Variants in ERBB4 observed in about 807,000 individuals in gnomAD.
The protein encoded by ERBB4 is erb-b2 receptor tyrosine kinase 4.
Under a neutral mutation model 158.0 loss-of-function variants are expected in ERBB4, and 42 were observed. The observed-to-expected ratio is 0.27, with a 90% CI of 0.21 to 0.34. The LOEUF (loss-of-function observed/expected upper bound fraction) is 0.34, where lower values mean the gene tolerates loss of function less well. ERBB4 is among the 10% of genes least tolerant of loss of function. ERBB4 has a pLI of 1.00. For missense variants in ERBB4, 1,333 were observed against 1,624.1 expected, an observed-to-expected ratio of 0.82 and a Z score of 3.08; for synonymous variants, 583 against 558.7, an observed-to-expected ratio of 1.04 and a Z score of -0.61.
At chr2:212,112,704 T>C (rs944032558) in intron 2 of ERBB4, among the ~76,000 whole-genome samples, 2 of 152,160 alleles carry the variant, frequency 1.3e-5, no homozygotes, top group Admixed American at 6.5e-5. Context: ...CATAGGGTTG[T>C]AATAAGGAGT....
intron 2 of ERBB4, among the ~76,000 whole-genome samples, chr2:212,024,736 A>T (rs1174020174): frequency 2.0e-5 from 3 of 151,906 alleles, no homozygotes; most frequent in Non-Finnish European, 1.5e-5. Context: ...CGACATAAAA[A>T]GGAAAAGAGT....
intron 4 of ERBB4, among the ~76,000 whole-genome samples, chr2:211,757,511 A>G (rs2075311709): frequency 6.6e-6 from 1 of 152,224 alleles, no homozygotes; most frequent in Non-Finnish European, 1.5e-5. Context: ...TATTCATTCA[A>G]GCAATTTATA....
rs1462283826 is a variant in ERBB4 at position 212,522,019 on chromosome 2, C to A, written c.82+16430G>T. Among the ~76,000 whole-genome samples, 13 of 152,030 alleles carry A rather than the reference C, an allele frequency of 8.6e-5. No homozygotes were observed. The East Asian group carries it at 2.5e-3, about 29-fold the overall frequency. On this transcript the variant is annotated intron_variant, in intron 1 of 27. Transcript: ENST00000342788. ...ATTTAGAATTATTATGAGTATCAAG[C>A]AAAATCACTGTCAATGACCTAAAAT...
At chr2:211,817,138 C>T (rs372803892) in intron 3 of ERBB4, among the ~76,000 whole-genome samples, 7 of 152,130 alleles carry the variant, frequency 4.6e-5, no homozygotes, top group Non-Finnish European at 7.4e-5. Flanking sequence ...CAAACAGTCA[C>T]GGGGGGATTT....
In ERBB4 at chr2:211,465,737, G is replaced by T. The variant is rs375084537; in HGVS notation, c.2488-34637C>A. 8.5e-5 allele frequency among the ~76,000 whole-genome samples: 13 copies of T among 152,078 alleles called. No homozygotes were observed. The East Asian group carries it at 1.5e-3, about 18-fold the overall frequency. ...CTATCTGCTTTTCTAAGACTTGCCGGTCGAGAGTAGCCAACCCACTACGAG... is the reference window on the plus strand; with the variant it reads ...CTATCTGCTTTTCTAAGACTTGCCGTTCGAGAGTAGCCAACCCACTACGAG... On this transcript the variant is annotated intron_variant, in intron 20 of 27. Coordinates refer to ENST00000342788, the MANE Select transcript of ERBB4 (RefSeq NM_005235.3).
intron 3 of ERBB4, among the ~76,000 whole-genome samples, chr2:211,839,205 AAGAGAG>A (rs60603782): frequency 6.9e-6 from 1 of 145,858 alleles, no homozygotes; most frequent in Non-Finnish European, 1.5e-5. Flanking sequence ...GAAAGAAAGA[AAGAGAG>A]AGAGAGAGAA....
intron 12 of ERBB4, among the ~76,000 whole-genome samples, chr2:211,686,150 A>G (rs1220090996): frequency 2.0e-5 from 3 of 152,072 alleles, no homozygotes; most frequent in Non-Finnish European, 4.4e-5. Context: ...ATGTTAAATG[A>G]GTGATAAGAG....
At position 212,124,813 on chromosome 2, in the gene ERBB4, A is replaced by G. The variant is rs545249326; in HGVS notation, c.173T>C (p.Val58Ala). The change falls in exon 2 of 28, where the codon GTT becomes GCT. Residue 58 changes from valine to alanine, a missense_variant. This residue lies in a region of ERBB4 where 438 missense variants were observed against 586.9 expected (regional missense o/e 0.75). Transcript: ENST00000342788. ...GGTTATCTCCAGGTTGCCCATGACAACCTCACAGTTTTCATAGTACTTGCG... is the reference window on the plus strand; with the variant it reads ...GGTTATCTCCAGGTTGCCCATGACAGCCTCACAGTTTTCATAGTACTTGCG... ...ALRKYYENCE[V>A]VMGNLEITSI... 2 of 1,613,984 alleles carry G rather than the reference A, an allele frequency of 1.2e-6. No homozygotes were observed. The highest frequency in any genetic ancestry group is 1.3e-5 in the African/African-American group (1 of 74,966).
intron 1 of ERBB4, among the ~76,000 whole-genome samples, chr2:212,440,649 A>G (rs931992355): frequency 6.6e-6 from 1 of 152,158 alleles, no homozygotes; most frequent in South Asian, 2.1e-4. Flanking sequence ...ATATGACTAG[A>G]CCCCAAAATG....
chr2:212,021,468 G>A (rs988198666), intron 2 of ERBB4, among the ~76,000 whole-genome samples: 4 of 152,024 alleles, frequency 2.6e-5, no homozygotes, highest in South Asian at 2.1e-4. Flanking sequence ...CAAGCAATGG[G>A]GAAAGGATTC....
At chr2:211,754,269 C>T (rs966059562) in intron 4 of ERBB4, among the ~76,000 whole-genome samples, 11 of 151,976 alleles carry the variant, frequency 7.2e-5, no homozygotes, top group Admixed American at 4.6e-4. Flanking sequence ...ATGAGGGCCA[C>T]GAAGAGAGGA....
At chr2:212,379,286 ATT>A (rs2090427125) in intron 1 of ERBB4, among the ~76,000 whole-genome samples, 1 of 151,708 alleles carries the variant, frequency 6.6e-6, no homozygotes. Flanking sequence ...TTTAAACAAG[ATT>A]TTCCATTTGC....
chr2:211,994,712 A>G (rs1345089001), intron 2 of ERBB4, among the ~76,000 whole-genome samples: 3 of 152,160 alleles, frequency 2.0e-5, no homozygotes, highest in African/African-American at 7.2e-5. Context: ...AGTTGTACCT[A>G]TCAATCCTCT....
chr2:212,104,911 G>A (rs573757727), intron 2 of ERBB4, among the ~76,000 whole-genome samples: 3 of 152,294 alleles, frequency 2.0e-5, no homozygotes, highest in Admixed American at 2.0e-4. Context: ...CCTTGTGGGT[G>A]TTGGCATTCT....
intron 2 of ERBB4, among the ~76,000 whole-genome samples, chr2:212,088,341 T>C (rs2078676378): frequency 6.6e-6 from 1 of 152,160 alleles, no homozygotes; most frequent in East Asian, 1.9e-4. Flanking sequence ...GGAATTATCA[T>C]ATTTATCAAA....
chr2:211,893,172 A>G (rs2079013234), intron 3 of ERBB4, among the ~76,000 whole-genome samples: 1 of 145,544 alleles, frequency 6.9e-6, no homozygotes, highest in Admixed American at 6.7e-5. Flanking sequence ...CTACAAGGCT[A>G]CAGTAACCAA....
intron 1 of ERBB4, among the ~76,000 whole-genome samples, chr2:212,293,467 C>A (rs1035146556): frequency 5.3e-5 from 8 of 151,924 alleles, no homozygotes; most frequent in African/African-American, 1.9e-4. Flanking sequence ...GACAACAAAC[C>A]TTATTAAAAA....
chr2:212,474,096 A>G (rs1689252580), intron 1 of ERBB4, among the ~76,000 whole-genome samples: 1 of 152,148 alleles, frequency 6.6e-6, no homozygotes, highest in Non-Finnish European at 1.5e-5. Context: ...TATTTTGTAG[A>G]TGACACTATT....
At chr2:212,283,560 A>C (rs1306505652) in intron 1 of ERBB4, among the ~76,000 whole-genome samples, 1 of 152,018 alleles carries the variant, frequency 6.6e-6, no homozygotes, top group African/African-American at 2.4e-5. Context: ...TGTTAAAACA[A>C]TTTTAAACCC....
Sources: gnomAD v4.1 joint callset for allele counts (sites outside exome capture counted in the v4.1 genomes callset) on GRCh38, gnomAD v4.1.1 for gene constraint, gnomAD v4.1.1 regional missense constraint, MANE v1.5 for transcripts, NCBI Gene and HGNC (gene_info 2026-07-23, HGNC 2026-07-21) for gene names.